NBEA: variants seen among roughly 807,000 people sequenced by gnomAD.
NBEA encodes the protein neurobeachin.
In NBEA, 44 loss-of-function variants were observed where a neutral mutation model predicts 343.4. The observed-to-expected ratio is 0.13, with a 90% CI of 0.10 to 0.16. NBEA has a LOEUF of 0.16. Ranked by LOEUF, NBEA falls within the 10% of genes least tolerant of loss-of-function variation. The pLI, the probability that NBEA is intolerant of heterozygous loss-of-function variation, is 1.00. For missense variants in NBEA, 2,555 were observed against 3,631.3 expected (o/e 0.70, Z 7.62); for synonymous variants, 1,175 against 1,238.7 (o/e 0.95, Z 1.08).
At chr13:35,145,099 G>A (rs1348457416) in intron 18 of NBEA, among the ~76,000 whole-genome samples, 1 of 152,120 alleles carries the variant, frequency 6.6e-6, no homozygotes, top group African/African-American at 2.4e-5. Context: ...AACAGGTGTG[G>A]TTTATTACTG....
At chr13:35,264,454 CTG>C (rs2152800283) in intron 34 of NBEA, among the ~76,000 whole-genome samples, 1 of 152,024 alleles carries the variant, frequency 6.6e-6, no homozygotes, top group Non-Finnish European at 1.5e-5. Flanking sequence ...AAAAAGAAAA[CTG>C]TAATACGATA....
chr13:35,636,314 G>C (rs748636140), intron 49 of NBEA, among the ~76,000 whole-genome samples: 17 of 152,078 alleles, frequency 1.1e-4, no homozygotes, highest in Admixed American at 5.9e-4. Context: ...AAAGCCATTT[G>C]AAGTCTCAGT....
intron 38 of NBEA, among the ~76,000 whole-genome samples, chr13:35,356,062 A>G (rs1328642199): frequency 2.6e-5 from 4 of 152,140 alleles, no homozygotes; most frequent in Admixed American, 2.0e-4. Context: ...GCCCTGATGC[A>G]TAGTAGGTAC....
At chr13:35,458,924 G>A (rs2046739557) in intron 40 of NBEA, among the ~76,000 whole-genome samples, 1 of 150,688 alleles carries the variant, frequency 6.6e-6, no homozygotes, top group South Asian at 2.1e-4. Context: ...AGCAACACAA[G>A]GAAGAAGTAT....
At chr13:35,121,485 T>G (rs1334024370) in intron 16 of NBEA, among the ~76,000 whole-genome samples, 3 of 149,626 alleles carry the variant, frequency 2.0e-5, no homozygotes, top group Non-Finnish European at 4.5e-5. Context: ...TTGAATGTGT[T>G]TTTTTTTTTT....
intron 1 of NBEA, among the ~76,000 whole-genome samples, chr13:35,035,624 T>C (rs1297506713): frequency 6.6e-6 from 1 of 151,996 alleles, no homozygotes; most frequent in Non-Finnish European, 1.5e-5. Context: ...AGTCTCCAGA[T>C]ATTATGGTAT....
chr13:35,365,427 G>A (rs1434181692), intron 38 of NBEA, among the ~76,000 whole-genome samples: 2 of 151,644 alleles, frequency 1.3e-5, no homozygotes, highest in East Asian at 1.9e-4. Flanking sequence ...TGACCCATTC[G>A]CAACAAACAT....
rs904998962 is a variant in NBEA at position 35,065,410 on chromosome 13, A to G, written c.1240-4498A>G. On this transcript the variant is annotated intron_variant, in intron 8 of 58. Coordinates refer to ENST00000379939, the MANE Select transcript of NBEA (RefSeq NM_001385012.1). ...TTTTTCTTTTTCCTTATATCTAGTA[A>G]TTTTGGTAGATATGTATTGGTGTTG... Among the ~76,000 whole-genome samples the G allele has an allele frequency of 3.3e-5, 5 of 151,818 alleles. No individual in the cohort carries two copies. The East Asian group carries it at 9.7e-4, about 29-fold the overall frequency.
At chr13:35,034,294 G>T (rs1029533746) in intron 1 of NBEA, among the ~76,000 whole-genome samples, 2 of 151,650 alleles carry the variant, frequency 1.3e-5, no homozygotes, top group East Asian at 3.9e-4. Flanking sequence ...TCATTCTGCT[G>T]ATATGATGTA....
At chr13:34,951,353 T>A (rs754306679) in intron 1 of NBEA, among the ~76,000 whole-genome samples, 3 of 152,234 alleles carry the variant, frequency 2.0e-5, no homozygotes, top group African/African-American at 4.8e-5. Context: ...AAGATAGATA[T>A]ACAGGTTGTA....
At chr13:34,995,623 A>C (rs1025124088) in intron 1 of NBEA, among the ~76,000 whole-genome samples, 8 of 152,128 alleles carry the variant, frequency 5.3e-5, no homozygotes, top group Non-Finnish European at 8.8e-5. Flanking sequence ...ACAAAAAAAA[A>C]CAACTTAATT....
chr13:34,943,357 G>C (rs1048011365), intron 1 of NBEA, among the ~76,000 whole-genome samples: 2 of 152,014 alleles, frequency 1.3e-5, no homozygotes, highest in African/African-American at 4.8e-5. Context: ...ACTTAACACC[G>C]CTTCTTCTCA....
Position 35,454,881 on chromosome 13 carries a change from A to G in NBEA, c.6448+2646A>G, listed in dbSNP as rs2046487602. On this transcript the variant is annotated intron_variant, in intron 40 of 58. Coordinates refer to ENST00000379939, the MANE Select transcript of NBEA (RefSeq NM_001385012.1). ...TCTCAACAAAATAAATAAAAAATAA[A>G]TAAAAATAAAAAATAAAAAAACAGG... 1.3e-5 allele frequency among the ~76,000 whole-genome samples: 2 copies of G among 152,136 alleles called. 1 individual carries two copies. The highest frequency in any genetic ancestry group is 4.1e-4 in the South Asian group (2 of 4,832).
chr13:35,516,839 A>G (rs778770598), intron 41 of NBEA, among the ~76,000 whole-genome samples: 8 of 152,180 alleles, frequency 5.3e-5, no homozygotes, highest in Non-Finnish European at 1.0e-4. Context: ...CATAGTTATA[A>G]TAGCTAAGTG....
intron 34 of NBEA, among the ~76,000 whole-genome samples, chr13:35,239,686 ATATTCTATAGG>A (rs929049323): frequency 5.9e-5 from 9 of 152,032 alleles, no homozygotes; most frequent in African/African-American, 2.2e-4. Flanking sequence ...ACGCATACCC[ATATTCTATAGG>A]TATATGTATA....
At chr13:35,003,891 T>C (rs1222476884) in intron 1 of NBEA, among the ~76,000 whole-genome samples, 1 of 152,142 alleles carries the variant, frequency 6.6e-6, no homozygotes, top group Non-Finnish European at 1.5e-5. Context: ...CTCCTAGGTA[T>C]TAAGCCCTGC....
chr13:35,593,486 A>C, intron 47 of NBEA, 39 bp downstream of exon 47: 1 of 1,549,436 alleles, frequency 6.5e-7, no homozygotes, highest in East Asian at 2.3e-5. Context: ...TAAATTTCAA[A>C]ATATGTGGAA....
intron 1 of NBEA, among the ~76,000 whole-genome samples, chr13:34,946,828 T>A (rs1221905211): frequency 2.0e-5 from 3 of 151,386 alleles, no homozygotes; most frequent in Non-Finnish European, 4.4e-5. Context: ...GGTATTTTTG[T>A]TAAAAGGGTA....
At chr13:35,619,401 C>G (rs745551754) in intron 48 of NBEA, among the ~76,000 whole-genome samples, 2 of 152,028 alleles carry the variant, frequency 1.3e-5, no homozygotes, top group Non-Finnish European at 2.9e-5. Flanking sequence ...GCAGGCTGGA[C>G]AGGAGACCCA....
Sources: gnomAD v4.1 joint callset for allele counts (sites outside exome capture counted in the v4.1 genomes callset) on GRCh38, gnomAD v4.1.1 for gene constraint, MANE v1.5 for transcripts, NCBI Gene and HGNC (gene_info 2026-07-23, HGNC 2026-07-21) for gene names.